The following STK32C variants were observed in gnomAD, a reference collection of about 807,000 sequenced individuals.
The protein encoded by STK32C is serine/threonine-protein kinase 32C.
A neutral mutation model predicts 56.5 loss-of-function variants in STK32C; 31 were observed. The observed-to-expected ratio is 0.55, with a 90% CI of 0.41 to 0.74. The LOEUF is 0.74. Among genes scored for constraint, STK32C ranks in the 30% least tolerant of loss-of-function variants. The probability of loss-of-function intolerance (pLI) is 0.00; values close to 1 mark genes in which losing one functional copy is unlikely to be tolerated. For synonymous variants in STK32C, 309 were observed against 289.4 expected, an observed-to-expected ratio of 1.07 and a Z score of -0.69; for missense variants, 544 against 676.9, an observed-to-expected ratio of 0.80 and a Z score of 2.18.
At chr10:132,235,069 G>GCTGTGTGACTGGTATGAA (rs1207978560) in intron 2 of STK32C, among the ~76,000 whole-genome samples, 1 of 151,962 alleles carries the variant, frequency 6.6e-6, no homozygotes, top group Non-Finnish European at 1.5e-5. Flanking sequence ...AGTGGTGTGA[G>GCTGTGTGACTGGTATGAA]CTGTGTGACT....
intron 1 of STK32C, among the ~76,000 whole-genome samples, chr10:132,269,089 CTGCG>C (rs2064723748): frequency 6.8e-6 from 1 of 148,126 alleles, no homozygotes; most frequent in South Asian, 2.2e-4. Context: ...GCAGCTGTGC[CTGCG>C]TGCGTCACAT....
Position 132,236,806 on chromosome 10 carries a change from G to A in STK32C, c.319-8678C>T, listed in dbSNP as rs78729739. ...ACATGTCCATCACGGTGTGACCCTC[G>A]ACCTGGTGCCTGGGGTTCACCCACC... On this transcript the variant is annotated intron_variant, in intron 2 of 11. Transcript: ENST00000298630. 2.2e-3 allele frequency among the ~76,000 whole-genome samples: 330 copies of A among 152,170 alleles called. 2 individuals are homozygous for A. The highest frequency in any genetic ancestry group is 7.7e-3 in the African/African-American group (320 of 41,514).
At chr10:132,282,865 C>T (rs947148455) in intron 1 of STK32C, among the ~76,000 whole-genome samples, 1 of 152,252 alleles carries the variant, frequency 6.6e-6, no homozygotes, top group African/African-American at 2.4e-5. Flanking sequence ...CTGGAGAAAA[C>T]ACAGCACAGG....
At chr10:132,278,399 G>C (rs2065049559) in intron 1 of STK32C, among the ~76,000 whole-genome samples, 1 of 152,210 alleles carries the variant, frequency 6.6e-6, no homozygotes, top group South Asian at 2.1e-4. Flanking sequence ...CTCTTGACCA[G>C]GAAGATACAC....
At chr10:132,261,180 A>G (rs116542294) in intron 1 of STK32C, among the ~76,000 whole-genome samples, 2,107 of 151,228 alleles carry the variant, frequency 0.014, 74 homozygotes, top group African/African-American at 0.046. Context: ...GGCCTTGGAG[A>G]TGATCACTGC....
intron 1 of STK32C, among the ~76,000 whole-genome samples, chr10:132,253,739 G>A (rs2138009895): frequency 6.6e-6 from 1 of 152,366 alleles, no homozygotes; most frequent in South Asian, 2.1e-4. Context: ...CCAAACACCG[G>A]CTCGAGGCGA....
downstream of STK32C, among the ~76,000 whole-genome samples, chr10:132,322,309 G>A (rs982601091): frequency 2.6e-5 from 4 of 151,922 alleles, no homozygotes; most frequent in African/African-American, 7.3e-5. Context: ...TATCTTTATC[G>A]GATTATAGTC....
At position 132,255,064 on chromosome 10, in the gene STK32C, CAGAAGTGGGCACTACTGTG is replaced by C. The variant is rs1189732106; in HGVS notation, c.263-9128_263-9110del. Among the ~76,000 whole-genome samples, 1 of 152,164 alleles carries C rather than the reference CAGAAGTGGGCACTACTGTG, an allele frequency of 6.6e-6. No individual in the cohort carries two copies. Among genetic ancestry groups the C allele is most frequent in the Admixed American group, 6.5e-5 (1 of 15,278 alleles). Reference sequence around the variant, plus strand: ...GTTCACCAATGGGAGGATTGCACAGCAGAAGTGGGCACTACTGTGAGAGCTGTCACAAAGATCAAATGTC... The same window carrying C: ...GTTCACCAATGGGAGGATTGCACAGCAGAGCTGTCACAAAGATCAAATGTC... On this transcript the variant is annotated intron_variant, in intron 1 of 11. Transcript: ENST00000298630. The surrounding 1 kb of genome is among the most constrained non-coding windows in gnomAD (Gnocchi z 4.6).
chr10:132,271,437 A>G (rs1288716102), intron 1 of STK32C, among the ~76,000 whole-genome samples: 1 of 152,214 alleles, frequency 6.6e-6, no homozygotes, highest in Non-Finnish European at 1.5e-5. Context: ...TTGTCCCAAC[A>G]GTGTGGGCCC....
intron 10 of STK32C, among the ~76,000 whole-genome samples, chr10:132,210,914 G>A (rs900076415): frequency 3.3e-5 from 5 of 152,292 alleles, no homozygotes; most frequent in African/African-American, 4.8e-5. Context: ...TGTCCCGCCC[G>A]CTCCTCCTGG....
intron 1 of STK32C, among the ~76,000 whole-genome samples, chr10:132,326,633 T>G (rs577898013): frequency 5.4e-4 from 83 of 152,362 alleles, no homozygotes; most frequent in Non-Finnish European, 1.1e-3. Context: ...AAGATCTCTA[T>G]TTTAATGTTA....
chr10:132,227,957 C>T lies in STK32C; in HGVS notation c.470+20G>A, dbSNP rs771790530. The T allele has an allele frequency of 2.9e-5, 47 of 1,610,922 alleles. No homozygotes were observed. The highest frequency in any genetic ancestry group is 3.7e-5 in the Non-Finnish European group (44 of 1,179,332). ...TTCAGGACGGTAAGTCTTTCTGCAG[C>T]GAGGCCATGGCAGGCTCACCAGAGG... On this transcript the variant is annotated intron_variant, in intron 3 of 11. Coordinates refer to ENST00000298630, the MANE Select transcript of STK32C (RefSeq NM_173575.4).
intron 1 of STK32C, among the ~76,000 whole-genome samples, chr10:132,298,126 C>T (rs995658616): frequency 3.3e-5 from 5 of 152,234 alleles, no homozygotes; most frequent in African/African-American, 4.8e-5. Context: ...CCCTGCTCTC[C>T]CGGCCCCATG....
chr10:132,223,758 C>T (rs1341844177), intron 8 of STK32C, among the ~76,000 whole-genome samples: 1 of 152,230 alleles, frequency 6.6e-6, no homozygotes. Context: ...GCCCGTGTGG[C>T]ACACTCACTC....
intron 1 of STK32C, among the ~76,000 whole-genome samples, chr10:132,299,264 C>T (rs1197859532): frequency 6.6e-6 from 1 of 151,776 alleles, no homozygotes; most frequent in Non-Finnish European, 1.5e-5. Context: ...GACAGCTAAT[C>T]CACCAGCCAA....
rs760019912 is a variant in STK32C, at chr10:132,225,311, G to A, written c.798C>T (p.Val266=). 1.2e-6 allele frequency: 2 copies of A among 1,611,984 alleles called. No homozygotes were observed. The highest frequency in any genetic ancestry group is 1.7e-6 in the Non-Finnish European group (2 of 1,179,300). Residue 266 remains valine, a synonymous_variant, in exon 7 of 12, where the codon GTC becomes GTT. Transcript: ENST00000298630. ...CGAAGGAGTAGCCGGTCCCGCCGTTGACAAAAGAGTGGAAGATCTCCGGAG... is the reference window on the plus strand; with the variant it reads ...CGAAGGAGTAGCCGGTCCCGCCGTTAACAAAAGAGTGGAAGATCTCCGGAG... ...YMAPEIFHSF[V]NGGTGYSFEV...
At chr10:132,253,750 G>C (rs1565114311) in intron 1 of STK32C, among the ~76,000 whole-genome samples, 2 of 152,364 alleles carry the variant, frequency 1.3e-5, no homozygotes, top group South Asian at 4.1e-4. Context: ...CTCGAGGCGA[G>C]AGATGGCCAA....
intron 1 of STK32C, among the ~76,000 whole-genome samples, chr10:132,269,476 G>C (rs1309506220): frequency 6.6e-6 from 1 of 152,094 alleles, no homozygotes; most frequent in East Asian, 1.9e-4. Flanking sequence ...GAGGACCTGG[G>C]GAAAGTGTGT....
chr10:132,288,398 A>T (rs1419790306), intron 1 of STK32C, among the ~76,000 whole-genome samples: 1 of 152,246 alleles, frequency 6.6e-6, no homozygotes, highest in Non-Finnish European at 1.5e-5. Flanking sequence ...AACCACCATT[A>T]AGAACTAAAG....
Sources: gnomAD v4.1 joint callset for allele counts (sites outside exome capture counted in the v4.1 genomes callset) on GRCh38, gnomAD v4.1.1 for gene constraint, Gnocchi (gnomAD v3.1) non-coding constraint, MANE v1.5 for transcripts, NCBI Gene and HGNC (gene_info 2026-07-23, HGNC 2026-07-21) for gene names.